RARB: variants seen among roughly 807,000 people sequenced by gnomAD.
RARB encodes HBV-activated protein.
RARB carries 17 observed loss-of-function variants against 51.9 expected under a neutral mutation model. That is an observed-to-expected ratio of 0.33 (90% CI 0.22 to 0.49). RARB has a LOEUF of 0.49. Among genes scored for constraint, RARB ranks in the 20% least tolerant of loss-of-function variants. RARB has a pLI of 0.99. For synonymous variants in RARB, 215 were observed against 195.4 expected, an observed-to-expected ratio of 1.10 and a Z score of -0.84; for missense variants, 369 against 550.8, an observed-to-expected ratio of 0.67 and a Z score of 3.30.
At chr3:25,497,823 G>A (rs1247382362) in intron 2 of RARB, among the ~76,000 whole-genome samples, 1 of 152,126 alleles carries the variant, frequency 6.6e-6, no homozygotes, top group African/African-American at 2.4e-5. Flanking sequence ...ACCATCCCTT[G>A]GCTTCAATAA....
chr3:25,227,985 T>C lies in RARB; in HGVS notation c.178+53410T>C, dbSNP rs546164359. On this transcript the variant is annotated intron_variant, in intron 5 of 11. Coordinates refer to the RARB transcript ENST00000383772. ...TGCCTCTATGTCTTTTGGGAGTCAA[T>C]GTCGCTATGTGGAAGTTTGAGGCCA... 4.5e-4 allele frequency among the ~76,000 whole-genome samples: 69 copies of C among 152,228 alleles called. 1 individual carries two copies. The South Asian group carries it at 0.014, about 32-fold the overall frequency.
intron 3 of RARB, among the ~76,000 whole-genome samples, chr3:25,122,253 T>C (rs1034385430): frequency 1.3e-5 from 2 of 152,162 alleles, no homozygotes; most frequent in South Asian, 2.1e-4. Context: ...TGAGAAGTTG[T>C]GCGATGCTTA....
chr3:24,892,221 A>C (rs1053755442), intron 2 of RARB, among the ~76,000 whole-genome samples: 1 of 42,816 alleles, frequency 2.3e-5, no homozygotes, highest in South Asian at 8.8e-4. Context: ...GCCCTCTTAG[A>C]AAAAAAAAAA....
At chr3:25,536,009 A>G (rs954087433) in intron 3 of RARB, among the ~76,000 whole-genome samples, 1 of 152,184 alleles carries the variant, frequency 6.6e-6, no homozygotes, top group African/African-American at 2.4e-5. Flanking sequence ...AGAGAAAGCT[A>G]TTAGCGAAGG....
chr3:24,939,585 G>C (rs562410160), intron 2 of RARB, among the ~76,000 whole-genome samples: 4 of 152,268 alleles, frequency 2.6e-5, no homozygotes, highest in South Asian at 4.1e-4. Flanking sequence ...AGTTTCACTA[G>C]GGTCAAACTT....
intron 5 of RARB, among the ~76,000 whole-genome samples, chr3:25,213,485 T>A (rs1701747549): frequency 6.6e-6 from 1 of 152,226 alleles, no homozygotes; most frequent in East Asian, 1.9e-4. Flanking sequence ...ATTTGGGAAG[T>A]TTCCATTTTT....
chr3:25,244,911 A>G (rs1265204243), intron 5 of RARB, among the ~76,000 whole-genome samples: 1 of 152,190 alleles, frequency 6.6e-6, no homozygotes, highest in East Asian at 1.9e-4. Context: ...GTGGTGTTAA[A>G]GTCTCCCACT....
intron 5 of RARB, among the ~76,000 whole-genome samples, chr3:25,250,613 C>A (rs529644231): frequency 6.6e-6 from 1 of 152,186 alleles, no homozygotes; most frequent in East Asian, 1.9e-4. Flanking sequence ...AGAAGTGGCA[C>A]CTGGCTGTGG....
chr3:25,167,362 T>C (rs1253714028), intron 4 of RARB, among the ~76,000 whole-genome samples: 2 of 152,212 alleles, frequency 1.3e-5, no homozygotes, highest in African/African-American at 2.4e-5. Flanking sequence ...ATATGAGTGA[T>C]GCTAATCACT....
At chr3:25,280,189 A>G (rs1703487099) in intron 5 of RARB, among the ~76,000 whole-genome samples, 1 of 152,174 alleles carries the variant, frequency 6.6e-6, no homozygotes, top group African/African-American at 2.4e-5. Context: ...ATTGGAGGAC[A>G]AGAGGGTATA....
chr3:25,435,931 A>G (rs889535953), intron 1 of RARB, among the ~76,000 whole-genome samples: 4 of 152,216 alleles, frequency 2.6e-5, no homozygotes, highest in Non-Finnish European at 5.9e-5. Flanking sequence ...CCATTTTATT[A>G]CAAAAAAAAT....
chr3:25,559,513 A>ATGACTG (rs1700190779), intron 3 of RARB, among the ~76,000 whole-genome samples: 1 of 152,208 alleles, frequency 6.6e-6, no homozygotes, highest in African/African-American at 2.4e-5. Flanking sequence ...ATTTCTTTAG[A>ATGACTG]TGACTGTGTC....
chr3:25,124,819 G>A (rs957094809), intron 3 of RARB, among the ~76,000 whole-genome samples: 11 of 152,126 alleles, frequency 7.2e-5, no homozygotes, highest in East Asian at 1.9e-4. Context: ...AGCTGCAGCC[G>A]TGTTGTAGAC....
chr3:25,283,831 G>T (rs573319809), intron 5 of RARB, among the ~76,000 whole-genome samples: 4 of 152,154 alleles, frequency 2.6e-5, no homozygotes, highest in Non-Finnish European at 5.9e-5. Flanking sequence ...CTACTTTTGG[G>T]CATTTGGATG....
At chr3:25,518,908 G>A (rs1698287995) in intron 3 of RARB, among the ~76,000 whole-genome samples, 1 of 152,122 alleles carries the variant, frequency 6.6e-6, no homozygotes, top group Non-Finnish European at 1.5e-5. Context: ...GAAGCATGGG[G>A]GAGCTTTCTG....
At chr3:25,443,051 C>T (rs952604472) in intron 1 of RARB, among the ~76,000 whole-genome samples, 6 of 152,128 alleles carry the variant, frequency 3.9e-5, no homozygotes, top group African/African-American at 1.4e-4. Context: ...GGTGCCTCCT[C>T]CTGCTTACGT....
At chr3:25,219,528 G>A (rs1701900946) in intron 5 of RARB, among the ~76,000 whole-genome samples, 1 of 152,138 alleles carries the variant, frequency 6.6e-6, no homozygotes, top group African/African-American at 2.4e-5. Flanking sequence ...GGTAACAAAA[G>A]CAAGGATCTA....
At chr3:25,238,944 A>G (rs1437610143) in intron 5 of RARB, among the ~76,000 whole-genome samples, 1 of 151,754 alleles carries the variant, frequency 6.6e-6, no homozygotes, top group African/African-American at 2.4e-5. Context: ...ACACCACTGC[A>G]CTCCAGCCGG....
intron 5 of RARB, among the ~76,000 whole-genome samples, chr3:25,324,917 T>A (rs929752485): frequency 3.3e-5 from 5 of 152,138 alleles, no homozygotes; most frequent in Admixed American, 2.0e-4. Context: ...GGAGTCCTGA[T>A]CCAGACCTCA....
Sources: allele counts gnomAD v4.1 joint callset (sites outside exome capture counted in the v4.1 genomes callset), GRCh38; gene constraint gnomAD v4.1.1; transcripts MANE v1.5; gene names NCBI Gene and HGNC (gene_info 2026-07-23, HGNC 2026-07-21).